The following RB1CC1 variants were observed in gnomAD, a reference collection of about 807,000 sequenced individuals.
The protein encoded by RB1CC1 is RB1 inducible coiled-coil 1.
In RB1CC1, 46 loss-of-function variants were observed where a neutral mutation model predicts 177.5. That is an observed-to-expected ratio of 0.26 (90% CI 0.20 to 0.33). The LOEUF (loss-of-function observed/expected upper bound fraction) is 0.33, where lower values mean the gene tolerates loss of function less well. Ranked by LOEUF, RB1CC1 falls within the 10% of genes least tolerant of loss-of-function variation. The probability of loss-of-function intolerance (pLI) is 1.00; values close to 1 mark genes in which losing one functional copy is unlikely to be tolerated. For missense variants in RB1CC1, 1,703 were observed against 1,816.3 expected (o/e 0.94, Z 1.13); for synonymous variants, 666 against 613.6 (o/e 1.09, Z -1.26).
At chr8:52,701,112 G>A (rs1199721792) in intron 1 of RB1CC1, among the ~76,000 whole-genome samples, 1 of 151,982 alleles carries the variant, frequency 6.6e-6, no homozygotes, top group Non-Finnish European at 1.5e-5. Context: ...ATAACAATGT[G>A]TGAAGGACCA....
intron 20 of RB1CC1, 62 bp from the exon 21 acceptor site, chr8:52,630,590 C>A: frequency 6.7e-7 from 1 of 1,490,756 alleles, no homozygotes; most frequent in Non-Finnish European, 8.9e-7. Flanking sequence ...ATTCTTACTG[C>A]AAAAATTTCA....
chr8:52,634,860 G>A (rs2150388969), intron 20 of RB1CC1, 61 bp downstream of exon 20: 1 of 1,364,552 alleles, frequency 7.3e-7, no homozygotes, highest in South Asian at 1.2e-5. Flanking sequence ...TCTTCATAAT[G>A]AAATATAATG....
At chr8:52,660,694 CTTTA>C in intron 11 of RB1CC1, 37 bp from the exon 12 acceptor site, 2 of 1,542,076 alleles carry the variant, frequency 1.3e-6, no homozygotes, top group East Asian at 2.3e-5. Flanking sequence ...TATTTTAGAG[CTTTA>C]TTTAAGGCAA....
intron 18 of RB1CC1, among the ~76,000 whole-genome samples, chr8:52,639,134 G>A (rs1268620248): frequency 6.6e-6 from 1 of 152,050 alleles, no homozygotes; most frequent in East Asian, 1.9e-4. Context: ...TTGAGTAATA[G>A]ATTAAATCAC....
chr8:52,703,432 C>T (rs563130986), intron 1 of RB1CC1, among the ~76,000 whole-genome samples: 1 of 152,188 alleles, frequency 6.6e-6, no homozygotes, highest in Admixed American at 6.6e-5. Context: ...TAGACTGACA[C>T]TCCACTATTT....
In RB1CC1 at chr8:52,623,603, G is replaced by A. The variant is rs1340943186; in HGVS notation, c.*179C>T. The A allele has an allele frequency of 7.8e-6, 5 of 638,300 alleles. No individual in the cohort carries two copies. The highest frequency in any genetic ancestry group is 1.4e-5 in the Non-Finnish European group (5 of 345,862). 39.5% of individuals were successfully genotyped at this position (638,300 alleles called of 1,614,324 possible). On this transcript the variant is annotated 3_prime_UTR_variant, in exon 24 of 24. Transcript: ENST00000025008. ...CCATTTTAATTCAGCCAAGGATTCT[G>A]ATGAATTTATTATTCCTAAAATGAA... is the stretch of plus-strand genomic sequence containing the variant.
At chr8:52,688,824 G>C (rs958266580) in intron 1 of RB1CC1, among the ~76,000 whole-genome samples, 1 of 152,072 alleles carries the variant, frequency 6.6e-6, no homozygotes, top group Non-Finnish European at 1.5e-5. Flanking sequence ...CGCCCCCGGC[G>C]GCCCAGCTGT....
intron 5 of RB1CC1, among the ~76,000 whole-genome samples, chr8:52,682,072 C>A (rs537555932): frequency 3.9e-5 from 6 of 152,200 alleles, no homozygotes; most frequent in Admixed American, 3.9e-4. Context: ...ACAGACACAA[C>A]GCCAGCCTGT....
intron 2 of RB1CC1, 44 bp from the exon 3 acceptor site, chr8:52,685,564 C>T: frequency 1.4e-6 from 1 of 692,138 alleles, no homozygotes; most frequent in South Asian, 1.7e-5. Context: ...AATGCAACTA[C>T]AATCACAAAT....
At chr8:52,628,883 G>T (rs1848573522) in intron 21 of RB1CC1, among the ~76,000 whole-genome samples, 1 of 152,102 alleles carries the variant, frequency 6.6e-6, no homozygotes, top group Admixed American at 6.6e-5. Flanking sequence ...AAAATCAGCT[G>T]GGGAAACTTT....
intron 1 of RB1CC1, among the ~76,000 whole-genome samples, chr8:52,704,182 A>C (rs867559313): frequency 8.5e-5 from 13 of 152,094 alleles, no homozygotes; most frequent in South Asian, 4.1e-4. Flanking sequence ...GAGTTATCCA[A>C]TTTCTCTGAA....
chr8:52,682,102 G>A (rs1853797207), intron 5 of RB1CC1, among the ~76,000 whole-genome samples: 1 of 152,202 alleles, frequency 6.6e-6, no homozygotes, highest in Non-Finnish European at 1.5e-5. Context: ...CGGGAGGGAG[G>A]CTGCACCCTG....
chr8:52,710,743 G>A (rs927092688), intron 1 of RB1CC1, among the ~76,000 whole-genome samples: 4 of 151,868 alleles, frequency 2.6e-5, no homozygotes, highest in Non-Finnish European at 5.9e-5. Context: ...ATATAAGACA[G>A]GGAAAATGGG....
Position 52,656,832 on chromosome 8 carries a change from G to A in RB1CC1, c.2997C>T (p.His999=), listed in dbSNP as rs1187940962. ...KELEDTLQVR[H]IQEFEKVMTD... ...TCATAACCTTCTCAAACTCTTGTAT[G>A]TGCCTAACCTGAAGTGTGTCCTCTA... Residue 999 remains histidine (H), a synonymous_variant, in exon 15 of 24, where the codon CAC becomes CAT. Transcript: ENST00000025008. 2.5e-6 allele frequency: 4 copies of A among 1,613,678 alleles called. No homozygotes were observed. Among genetic ancestry groups the A allele is most frequent in the Admixed American group, 3.3e-5 (2 of 60,012 alleles).
At chr8:52,671,394 C>T (rs569384186) in intron 7 of RB1CC1, among the ~76,000 whole-genome samples, 15 of 152,226 alleles carry the variant, frequency 9.9e-5, no homozygotes, top group African/African-American at 3.4e-4. Flanking sequence ...CATTGGAAAA[C>T]AGTGCTACTG....
chr8:52,694,097 G>C (rs1313889649), intron 1 of RB1CC1, among the ~76,000 whole-genome samples: 1 of 152,114 alleles, frequency 6.6e-6, no homozygotes, highest in Non-Finnish European at 1.5e-5. Context: ...GCCAAGAACA[G>C]AGCTGAGTGT....
rs558619961 is a variant in RB1CC1 at position 52,658,073 on chromosome 8, T to G, written c.1845A>C (p.Leu615=). 6 of 1,613,998 alleles carry G rather than the reference T, an allele frequency of 3.7e-6. No individual in the cohort carries two copies. In the Admixed American group the frequency reaches 1.0e-4, roughly 27 times the overall value. ...TTTGTGCTGCTTTTACCAAATTATG[T>G]AGAGCAAGTACATGCTGGTGTAGAG... The part of the protein sequence containing the change: ...FEPLHQHVLA[L]HNLVKAAQSL... Residue 615 remains leucine, a synonymous_variant, in exon 14 of 24, where the codon CTA becomes CTC. Transcript: ENST00000025008.
At chr8:52,673,624 G>C (rs944892765) in intron 7 of RB1CC1, among the ~76,000 whole-genome samples, 1 of 152,014 alleles carries the variant, frequency 6.6e-6, no homozygotes, top group Non-Finnish European at 1.5e-5. Flanking sequence ...TATTGCACTA[G>C]AAATTTTTCC....
intron 7 of RB1CC1, among the ~76,000 whole-genome samples, chr8:52,668,625 T>C (rs891125523): frequency 6.6e-6 from 1 of 152,190 alleles, no homozygotes; most frequent in Admixed American, 6.5e-5. Context: ...CCTCAACGAA[T>C]CGGCTTGCTC....
Sources: gnomAD v4.1 joint callset for allele counts (sites outside exome capture counted in the v4.1 genomes callset) on GRCh38, gnomAD v4.1.1 for gene constraint, MANE v1.5 for transcripts, NCBI Gene and HGNC (gene_info 2026-07-23, HGNC 2026-07-21) for gene names.